Variants in UXS1 observed in about 807,000 individuals in gnomAD.
UXS1 encodes the protein UDP-glucuronate decarboxylase 1.
Under a neutral mutation model 62.6 loss-of-function variants are expected in UXS1, and 33 were observed. The observed-to-expected ratio is 0.53, with a 90% CI of 0.40 to 0.70. UXS1 has a LOEUF of 0.70. UXS1 is among the 30% of genes least tolerant of loss of function. UXS1 has a pLI of 0.00. For missense variants in UXS1, 434 were observed against 556.3 expected (o/e 0.78, Z 2.21); for synonymous variants, 213 against 206.8 (o/e 1.03, Z -0.26).
intron 7 of UXS1, 99 bp from the exon 8 acceptor site, chr2:106,125,778 T>A: frequency 1.0e-6 from 1 of 1,002,446 alleles, no homozygotes; most frequent in Non-Finnish European, 1.4e-6. Flanking sequence ...TAAAGACATT[T>A]AATTATCTAT....
intron 10 of UXS1, among the ~76,000 whole-genome samples, chr2:106,109,775 A>T (rs1237512829): frequency 6.6e-6 from 1 of 152,250 alleles, no homozygotes; most frequent in Non-Finnish European, 1.5e-5. Context: ...TGAGATGCTA[A>T]GACAGGCATG....
chr2:106,171,203 T>C (rs1375265498), intron 1 of UXS1, among the ~76,000 whole-genome samples: 1 of 152,218 alleles, frequency 6.6e-6, no homozygotes, highest in East Asian at 1.9e-4. Flanking sequence ...CTCATAAAAA[T>C]TTTCATTTAG....
At chr2:106,136,582 A>AT (rs1680651418) in intron 6 of UXS1, among the ~76,000 whole-genome samples, 1 of 40,912 alleles carries the variant, frequency 2.4e-5, no homozygotes, top group African/African-American at 1.0e-4. Flanking sequence ...CTATGCAGCC[A>AT]TAAAAAATGA....
intron 2 of UXS1, among the ~76,000 whole-genome samples, chr2:106,165,456 C>CAATA (rs1240862141): frequency 1.3e-5 from 2 of 152,204 alleles, no homozygotes; most frequent in Non-Finnish European, 2.9e-5. Flanking sequence ...ACATGGAAAA[C>CAATA]TATTAACAGT....
Position 106,125,650 on chromosome 2 carries a change from G to C in UXS1, c.607C>G (p.Leu203Val), listed in dbSNP as rs1239195953. The C allele has an allele frequency of 7.0e-6, 11 of 1,580,138 alleles. No homozygotes were observed. The highest frequency in any genetic ancestry group is 9.5e-6 in the Non-Finnish European group (11 of 1,162,700). The change falls in exon 8 of 15, where the codon CTC becomes GTC. Residue 203 changes from leucine (L) to valine (V), a missense_variant. Around this residue, in one of 3 missense-constraint regions of UXS1, gnomAD observed 134 missense variants for 251.9 expected, o/e 0.53. Transcript: ENST00000283148. Reference protein sequence around the residue: ...GLAKRVGARLLLASTSEVYGD... With the variant: ...GLAKRVGARLVLASTSEVYGD... ...TACACCTCCGATGTGGAGGCCAGGAGCAGACGGGCACCGACTCGTTTTGCC... is the reference window on the plus strand; with the variant it reads ...TACACCTCCGATGTGGAGGCCAGGACCAGACGGGCACCGACTCGTTTTGCC...
At chr2:106,104,357 G>A (rs1043863263) in intron 11 of UXS1, among the ~76,000 whole-genome samples, 4 of 152,166 alleles carry the variant, frequency 2.6e-5, no homozygotes, top group East Asian at 1.9e-4. Flanking sequence ...TAGTTTCAGC[G>A]TGAAATTCAA....
Position 106,096,307 on chromosome 2 carries a change from T to C in UXS1, c.1146+411A>G, listed in dbSNP as rs11886314. Reference sequence around the variant, plus strand: ...ATGTGTATGATAGTGTGAATGTATATGTATGTGTGAAAATGAGTGTGTGTG... The same window carrying C: ...ATGTGTATGATAGTGTGAATGTATACGTATGTGTGAAAATGAGTGTGTGTG... On this transcript the variant is annotated intron_variant, in intron 14 of 14. Coordinates refer to ENST00000283148, the MANE Select transcript of UXS1 (RefSeq NM_001253875.2). Among the ~76,000 whole-genome samples the C allele has an allele frequency of 6.5e-3, 988 of 151,964 alleles. 9 individuals are homozygous for C. Among genetic ancestry groups the C allele is most frequent in the African/African-American group, 0.02 (831 of 41,426 alleles).
chr2:106,121,525 T>C (rs554618371), intron 9 of UXS1, among the ~76,000 whole-genome samples: 19 of 152,336 alleles, frequency 1.2e-4, no homozygotes, highest in African/African-American at 2.4e-4. Context: ...CCTGACACTC[T>C]AGTCAGTACT....
In UXS1 at chr2:106,169,204, T is replaced by C. The variant is rs371350933; in HGVS notation, c.95-3121A>G. On this transcript the variant is annotated intron_variant, in intron 1 of 14. Transcript: ENST00000283148. ...GTGCGCTTTTCTTTACTGTGCTATATATCTCAAATAAGTATACTGTCTCAT... is the reference window on the plus strand; with the variant it reads ...GTGCGCTTTTCTTTACTGTGCTATACATCTCAAATAAGTATACTGTCTCAT... 3.3e-5 allele frequency among the ~76,000 whole-genome samples: 5 copies of C among 152,202 alleles called. No individual in the cohort carries two copies. In the East Asian group the frequency reaches 9.6e-4, roughly 29 times the overall value.
chr2:106,178,791 A>C (rs931154848), intron 1 of UXS1, among the ~76,000 whole-genome samples: 10 of 122,090 alleles, frequency 8.2e-5, no homozygotes, highest in African/African-American at 3.2e-4. Context: ...CTCCTCCATC[A>C]CCTGCGGCAA....
intron 6 of UXS1, among the ~76,000 whole-genome samples, chr2:106,141,866 T>G (rs1431718511): frequency 1.6e-4 from 2 of 12,772 alleles, no homozygotes; most frequent in Non-Finnish European, 2.9e-4. Context: ...AGCTTCAGTG[T>G]TTTTTTTTTG....
intron 3 of UXS1, 50 bp from the exon 4 acceptor site, chr2:106,163,760 A>C: frequency 9.5e-5 from 117 of 1,225,424 alleles, no homozygotes; most frequent in Non-Finnish European, 1.2e-4. Context: ...CACAGTTCTC[A>C]ACCCCTTTCA....
intron 1 of UXS1, among the ~76,000 whole-genome samples, chr2:106,172,824 G>A (rs1401260614): frequency 6.6e-6 from 1 of 152,174 alleles, no homozygotes. Context: ...TCAGAGTCCA[G>A]GCTCAGGCCA....
intron 13 of UXS1, 64 bp downstream of exon 13, chr2:106,098,652 G>A (rs1677323276): frequency 7.5e-7 from 1 of 1,340,912 alleles, no homozygotes; most frequent in Non-Finnish European, 1.1e-6. Context: ...TTCTAGTCAA[G>A]GTGTTATTAA....
intron 5 of UXS1, among the ~76,000 whole-genome samples, chr2:106,148,862 T>C (rs1573512651): frequency 1.3e-5 from 2 of 152,278 alleles, no homozygotes; most frequent in Non-Finnish European, 1.5e-5. Flanking sequence ...AAGTAAGACC[T>C]CTTACACTGA....
intron 10 of UXS1, among the ~76,000 whole-genome samples, chr2:106,107,244 C>T (rs1438291558): frequency 6.6e-6 from 1 of 152,246 alleles, no homozygotes; most frequent in East Asian, 1.9e-4. Flanking sequence ...TGATGGTGGG[C>T]TCACCAGTCT....
At chr2:106,097,059 C>G in intron 13 of UXS1, 1 of 638,752 alleles carries the variant, frequency 1.6e-6, no homozygotes, top group Admixed American at 2.1e-5. Flanking sequence ...AGCAAGAGCT[C>G]GGTGGGGGGC....
At chr2:106,109,605 G>C (rs747437821) in intron 10 of UXS1, among the ~76,000 whole-genome samples, 1 of 152,160 alleles carries the variant, frequency 6.6e-6, no homozygotes, top group Non-Finnish European at 1.5e-5. Flanking sequence ...ATAAACTTAG[G>C]ACAATAGCTC....
At chr2:106,193,487 C>T (rs1265439028) in intron 1 of UXS1, among the ~76,000 whole-genome samples, 1 of 152,014 alleles carries the variant, frequency 6.6e-6, no homozygotes, top group Non-Finnish European at 1.5e-5. Context: ...AAACTGGACC[C>T]GCGCACAGAG....
Sources: gnomAD v4.1 joint callset for allele counts (sites outside exome capture counted in the v4.1 genomes callset) on GRCh38, gnomAD v4.1.1 for gene constraint, gnomAD v4.1.1 regional missense constraint, MANE v1.5 for transcripts, NCBI Gene and HGNC (gene_info 2026-07-23, HGNC 2026-07-21) for gene names.